KHDRBS2: variants seen among roughly 807,000 people sequenced by gnomAD.
KHDRBS2 encodes the protein KH domain-containing, RNA-binding, signal transduction-associated protein 2.
KHDRBS2 carries 26 observed loss-of-function variants against 44.3 expected under a neutral mutation model. The observed-to-expected ratio is 0.59, with a 90% CI of 0.43 to 0.81. KHDRBS2 has a LOEUF of 0.81. Ranked by LOEUF, KHDRBS2 falls within the 40% of genes least tolerant of loss-of-function variation. The pLI is 0.00. For missense variants in KHDRBS2, 476 were observed against 433.1 expected, an observed-to-expected ratio of 1.10 and a Z score of -0.88; for synonymous variants, 194 against 151.1, an observed-to-expected ratio of 1.28 and a Z score of -2.08.
At chr6:61,859,352 A>AG (rs1346579688) in intron 6 of KHDRBS2, among the ~76,000 whole-genome samples, 1 of 151,956 alleles carries the variant, frequency 6.6e-6, no homozygotes, top group Non-Finnish European at 1.5e-5. Flanking sequence ...AAAAAATCCC[A>AG]CAAAATGTTA....
intron 3 of KHDRBS2, among the ~76,000 whole-genome samples, chr6:61,999,613 A>C (rs1488470066): frequency 1.3e-5 from 2 of 152,142 alleles, no homozygotes; most frequent in Admixed American, 6.5e-5. Context: ...TAAAAGTACA[A>C]ATATTTTTAA....
chr6:61,954,987 T>C (rs1176299014), intron 4 of KHDRBS2, among the ~76,000 whole-genome samples: 4 of 95,058 alleles, frequency 4.2e-5, no homozygotes, highest in East Asian at 6.6e-4. Flanking sequence ...TGTATGTGTA[T>C]ACATATATAG....
intron 6 of KHDRBS2, among the ~76,000 whole-genome samples, chr6:61,806,413 C>A (rs1265222554): frequency 1.3e-5 from 2 of 152,126 alleles, no homozygotes; most frequent in East Asian, 3.9e-4. Flanking sequence ...AGGAAGCTAC[C>A]AGTTGCTACA....
chr6:62,177,016 C>T (rs10455666), intron 2 of KHDRBS2, among the ~76,000 whole-genome samples, 169 bp downstream of exon 2: 92,234 of 151,032 alleles, frequency 0.61, 28,355 homozygotes, highest in Non-Finnish European at 0.62. Flanking sequence ...ATTACCCTCA[C>T]CATTGCACTT....
chr6:62,034,221 T>C (rs1352975769), intron 3 of KHDRBS2, among the ~76,000 whole-genome samples: 1 of 151,874 alleles, frequency 6.6e-6, no homozygotes, highest in East Asian at 1.9e-4. Flanking sequence ...CAGAACCCGA[T>C]GGCTTTTACT....
At position 62,262,463 on chromosome 6, in the gene KHDRBS2, G is replaced by A. The variant is rs114017463; in HGVS notation, c.91+23395C>T. Among the ~76,000 whole-genome samples, 387 of 151,762 alleles carry A rather than the reference G, an allele frequency of 2.6e-3. 3 individuals carry two copies. Among genetic ancestry groups the A allele is most frequent in the African/African-American group, 8.5e-3 (352 of 41,490 alleles). On this transcript the variant is annotated intron_variant, in intron 1 of 8. Transcript: ENST00000281156. ...TTGAGGTTATATCACAGAATTAATC[G>A]TTTCTGTCATTGTCAGCAAAATCAA...
At chr6:62,278,150 C>A (rs1341329913) in intron 1 of KHDRBS2, among the ~76,000 whole-genome samples, 5 of 152,124 alleles carry the variant, frequency 3.3e-5, no homozygotes, top group Admixed American at 6.5e-5. Context: ...CGGTTTATAG[C>A]TTTAAAAAAT....
chr6:61,677,532 C>T (rs1766012628), downstream of KHDRBS2, among the ~76,000 whole-genome samples: 1 of 151,824 alleles, frequency 6.6e-6, no homozygotes, highest in African/African-American at 2.4e-5. Context: ...GGTGAAGGGG[C>T]AGTTAGTAAT....
intron 3 of KHDRBS2, among the ~76,000 whole-genome samples, chr6:62,033,594 C>T (rs1040848916): frequency 6.6e-6 from 1 of 150,822 alleles, no homozygotes; most frequent in Admixed American, 6.7e-5. Flanking sequence ...CACTTTTACC[C>T]TATAATAGTA....
the KHDRBS2 span, among the ~76,000 whole-genome samples, chr6:61,572,096 G>C: frequency 6.6e-6 from 1 of 152,006 alleles, no homozygotes; most frequent in Non-Finnish European, 1.5e-5. Flanking sequence ...AAAGAAGAGA[G>C]AAGATCCAAA....
chr6:62,222,920 T>C (rs910116514), intron 1 of KHDRBS2, among the ~76,000 whole-genome samples: 9 of 152,168 alleles, frequency 5.9e-5, no homozygotes, highest in African/African-American at 2.2e-4. Flanking sequence ...GCTGCTTTCA[T>C]GGTCTGGCAT....
intron 6 of KHDRBS2, among the ~76,000 whole-genome samples, chr6:61,770,765 G>A (rs1376099979): frequency 6.6e-6 from 1 of 152,158 alleles, no homozygotes; most frequent in Non-Finnish European, 1.5e-5. Flanking sequence ...CCACTCTGCA[G>A]GATATTATCC....
downstream of KHDRBS2, among the ~76,000 whole-genome samples, chr6:61,676,916 A>G (rs1182378608): frequency 2.0e-5 from 3 of 151,920 alleles, no homozygotes; most frequent in African/African-American, 4.8e-5. Flanking sequence ...GGTAGGTAGT[A>G]GAAGTCTTTT....
At chr6:61,704,662 G>C (rs1479213975) in intron 7 of KHDRBS2, among the ~76,000 whole-genome samples, 2 of 151,792 alleles carry the variant, frequency 1.3e-5, no homozygotes, top group Non-Finnish European at 2.9e-5. Context: ...TAAGAGGGAA[G>C]CATGATTATA....
chr6:62,195,651 A>T (rs185660642), intron 1 of KHDRBS2, among the ~76,000 whole-genome samples: 1 of 152,276 alleles, frequency 6.6e-6, no homozygotes, highest in East Asian at 1.9e-4. Flanking sequence ...ATGAATAAAA[A>T]TCCCTTGGCC....
intron 6 of KHDRBS2, among the ~76,000 whole-genome samples, chr6:61,793,899 T>C (rs1376945472): frequency 6.6e-6 from 1 of 152,104 alleles, no homozygotes; most frequent in Non-Finnish European, 1.5e-5. Flanking sequence ...TAGAGGGGTG[T>C]TAATGCCATA....
intron 3 of KHDRBS2, among the ~76,000 whole-genome samples, chr6:62,029,307 C>CAAG (rs1433678812): frequency 7.9e-5 from 12 of 151,752 alleles, no homozygotes; most frequent in Non-Finnish European, 1.3e-4. Flanking sequence ...TACTGCTTGA[C>CAAG]ATTTGGATGG....
rs556769508 is a variant in KHDRBS2 at position 61,828,891 on chromosome 6, A to G, written c.810+65744T>C. Among the ~76,000 whole-genome samples, 23 of 152,350 alleles carry G rather than the reference A, an allele frequency of 1.5e-4. No homozygotes were observed. The South Asian group carries it at 3.1e-3, about 21-fold the overall frequency. ...GTGATGCTTCACATTAGTTTGTCAA[A>G]TTAACAAATGAACCTTAAGTTGTGT... On this transcript the variant is annotated intron_variant, in intron 6 of 8. Transcript: ENST00000281156.
Position 61,726,405 on chromosome 6 carries a change from A to G in KHDRBS2, c.893+6277T>C, listed in dbSNP as rs145821921. On this transcript the variant is annotated intron_variant, in intron 7 of 8. Coordinates refer to ENST00000281156, the MANE Select transcript of KHDRBS2 (RefSeq NM_152688.4). ...TCTCACCACTCTTATTCAACTTAGTACTGGAAGTTCTGGCCAGGGCAATCA... is the reference window on the plus strand; with the variant it reads ...TCTCACCACTCTTATTCAACTTAGTGCTGGAAGTTCTGGCCAGGGCAATCA... Among the ~76,000 whole-genome samples the G allele has an allele frequency of 1.6e-3, 247 of 152,240 alleles. 2 individuals carry two copies. The highest frequency in any genetic ancestry group is 5.2e-3 in the African/African-American group (214 of 41,548).
Sources: gnomAD v4.1 joint callset for allele counts (sites outside exome capture counted in the v4.1 genomes callset) on GRCh38, gnomAD v4.1.1 for gene constraint, MANE v1.5 for transcripts, NCBI Gene and HGNC (gene_info 2026-07-23, HGNC 2026-07-21) for gene names.